The following MBOAT1 variants were observed in gnomAD, a reference collection of about 807,000 sequenced individuals.
MBOAT1 encodes the protein membrane bound glycerophospholipid O-acyltransferase 1, also known as membrane-bound glycerophospholipid O-acyltransferase 1.
A neutral mutation model predicts 64.4 loss-of-function variants in MBOAT1; 67 were observed. The observed-to-expected ratio is 1.04, with a 90% confidence interval of 0.85 to 1.27. The LOEUF is 1.27. Among genes scored for constraint, MBOAT1 ranks in the 50% most tolerant of loss-of-function variants. The pLI is 0.00. For synonymous variants in MBOAT1, 229 were observed against 218.9 expected, an observed-to-expected ratio of 1.05 and a Z score of -0.41; for missense variants, 563 against 604.6, an observed-to-expected ratio of 0.93 and a Z score of 0.72.
Position 20,124,474 on chromosome 6 carries a change from G to T in MBOAT1, c.841C>A (p.Arg281=), listed in dbSNP as rs752717445. ...WFVHKASFPA[R]LCYLYVVMQA... ...ATGACAACATATAAGTAGCAGAGTC[G>T]AGCCGGAAAGCTTGCTTTATGGACA... The change falls in exon 8 of 13, where the codon CGA becomes AGA. Residue 281 remains arginine, a synonymous_variant. Coordinates refer to ENST00000324607, the MANE Select transcript of MBOAT1 (RefSeq NM_001080480.3). 5 of 1,614,160 alleles carry T rather than the reference G, an allele frequency of 3.1e-6. No individual in the cohort carries two copies. The highest frequency in any genetic ancestry group is 4.2e-6 in the Non-Finnish European group (5 of 1,180,018).
chr6:20,174,775 T>C (rs1762294726), intron 1 of MBOAT1, among the ~76,000 whole-genome samples: 1 of 152,224 alleles, frequency 6.6e-6, no homozygotes, highest in African/African-American at 2.4e-5. Context: ...TGTTATGTAG[T>C]ACATGACTGT....
chr6:20,198,251 G>GA (rs1763018054), intron 1 of MBOAT1, among the ~76,000 whole-genome samples: 1 of 150,360 alleles, frequency 6.7e-6, no homozygotes, highest in Non-Finnish European at 1.5e-5. Context: ...AAGAAAGAAA[G>GA]AAAAAAGAAA....
chr6:20,116,799 A>G (rs1331884281), intron 9 of MBOAT1, among the ~76,000 whole-genome samples: 2 of 152,210 alleles, frequency 1.3e-5, no homozygotes, highest in Non-Finnish European at 1.5e-5. Flanking sequence ...CCCTGAAGAC[A>G]TGTCCACTGT....
intron 1 of MBOAT1, among the ~76,000 whole-genome samples, chr6:20,157,049 A>G (rs7741361): frequency 0.43 from 65,105 of 151,942 alleles, 14,478 homozygotes; most frequent in African/African-American, 0.55. Context: ...CCGGGAGGCT[A>G]AGGTGAGAGG....
chr6:20,178,564 C>A (rs1436533061), intron 1 of MBOAT1, among the ~76,000 whole-genome samples: 1 of 152,176 alleles, frequency 6.6e-6, no homozygotes, highest in Non-Finnish European at 1.5e-5. Flanking sequence ...CTCATCCTTG[C>A]AATCCTTATC....
chr6:20,203,023 G>A (rs1326116849), intron 1 of MBOAT1, among the ~76,000 whole-genome samples: 4 of 152,068 alleles, frequency 2.6e-5, no homozygotes, highest in African/African-American at 9.7e-5. Context: ...GTAATTCCTG[G>A]CTGGGTGTGG....
At chr6:20,109,907 T>C (rs976931305) in intron 11 of MBOAT1, among the ~76,000 whole-genome samples, 158 bp from the exon 12 acceptor site, 85 of 138,358 alleles carry the variant, frequency 6.1e-4, no homozygotes, top group South Asian at 1.5e-3. Context: ...CAGGACTTTT[T>C]TTTTTTTTTT....
Position 20,205,395 on chromosome 6 carries a change from C to T in MBOAT1, c.99+6741G>A, listed in dbSNP as rs1034875754. On this transcript the variant is annotated intron_variant, in intron 1 of 12. Transcript: ENST00000324607. ...GCCAGACAGGTAAACTGAGGCCAAG[C>T]TGTGAAGAATCACCTCTTGTTCCAC... is the stretch of plus-strand genomic sequence containing the variant. 3.9e-5 allele frequency among the ~76,000 whole-genome samples: 6 copies of T among 152,198 alleles called. No individual in the cohort carries two copies. The South Asian group carries it at 1.2e-3, about 31-fold the overall frequency.
intron 1 of MBOAT1, among the ~76,000 whole-genome samples, chr6:20,190,400 G>A (rs1344128603): frequency 2.6e-5 from 4 of 152,218 alleles, no homozygotes; most frequent in African/African-American, 9.6e-5. Flanking sequence ...AGGTGATTGA[G>A]AGAGTCACGG....
intron 1 of MBOAT1, among the ~76,000 whole-genome samples, chr6:20,205,978 T>C (rs956152474): frequency 3.9e-5 from 6 of 152,098 alleles, no homozygotes; most frequent in Non-Finnish European, 8.8e-5. Context: ...CTTCTCAACT[T>C]GCATCCACGT....
intron 4 of MBOAT1, among the ~76,000 whole-genome samples, chr6:20,141,362 T>TTTC (rs201591465): frequency 6.6e-4 from 64 of 96,536 alleles, no homozygotes; most frequent in East Asian, 4.3e-3. Context: ...TCTTTTTCTT[T>TTTC]TTTTTTTTTT....
rs878942724 is a variant in MBOAT1 at position 20,102,366 on chromosome 6, A to G, written c.1408T>C (p.Phe470Leu). Residue 470 changes from phenylalanine (F) to leucine (L), a missense_variant, in exon 13 of 13, where the codon TTT becomes CTT. Physicochemically the swap from Phe to Leu is conservative, Grantham distance 22. Coordinates refer to ENST00000324607, the MANE Select transcript of MBOAT1 (RefSeq NM_001080480.3). ...TGAGCTTGTGGTTTCATTGGCAGAAATAGTATTATCAGGAGACTTATGATG... is the reference window on the plus strand; with the variant it reads ...TGAGCTTGTGGTTTCATTGGCAGAAGTAGTATTATCAGGAGACTTATGATG... ...LHIISLLIIL[F>L]LPMKPQAHTQ... 1 of 1,613,052 alleles carries G rather than the reference A, an allele frequency of 6.2e-7. No homozygotes were observed. Among genetic ancestry groups the G allele is most frequent in the South Asian group, 1.1e-5 (1 of 91,052 alleles).
chr6:20,116,565 C>G (rs1760325791), intron 9 of MBOAT1, among the ~76,000 whole-genome samples: 1 of 152,002 alleles, frequency 6.6e-6, no homozygotes, highest in South Asian at 2.1e-4. Context: ...TAAAATAGAT[C>G]TTTTTATTGT....
At chr6:20,140,468 A>C (rs545560295) in intron 4 of MBOAT1, among the ~76,000 whole-genome samples, 22 of 152,162 alleles carry the variant, frequency 1.4e-4, no homozygotes, top group Non-Finnish European at 3.2e-4. Context: ...CCATGGACTG[A>C]ATAAGGAAGA....
intron 1 of MBOAT1, among the ~76,000 whole-genome samples, chr6:20,200,317 T>C (rs1763084763): frequency 6.6e-6 from 1 of 152,202 alleles, no homozygotes; most frequent in Non-Finnish European, 1.5e-5. Context: ...CTACTGAAAT[T>C]GGAAGAAAAA....
chr6:20,151,089 A>G (rs1761478722), intron 3 of MBOAT1, 96 bp downstream of exon 3: 2 of 875,396 alleles, frequency 2.3e-6, no homozygotes, highest in Non-Finnish European at 1.8e-6. Flanking sequence ...CCACTTGTGG[A>G]AAATGGGTAA....
intron 1 of MBOAT1, among the ~76,000 whole-genome samples, chr6:20,199,758 A>T (rs1212425142): frequency 6.6e-6 from 1 of 152,214 alleles, no homozygotes; most frequent in Non-Finnish European, 1.5e-5. Flanking sequence ...TCACAAGGTC[A>T]GGAGTTTGAG....
At chr6:20,162,050 C>G (rs6456299) in intron 1 of MBOAT1, among the ~76,000 whole-genome samples, 52,069 of 151,952 alleles carry the variant, frequency 0.34, 9,130 homozygotes, top group Admixed American at 0.39. Flanking sequence ...GTGTCCTAAT[C>G]TCTTCTTACA....
intron 10 of MBOAT1, among the ~76,000 whole-genome samples, chr6:20,115,010 G>A (rs1474909235): frequency 1.3e-5 from 2 of 152,258 alleles, no homozygotes; most frequent in East Asian, 3.9e-4. Flanking sequence ...CTGTAAAATG[G>A]GGGTAATACC....
Sources: allele counts gnomAD v4.1 joint callset (sites outside exome capture counted in the v4.1 genomes callset), GRCh38; gene constraint gnomAD v4.1.1; transcripts MANE v1.5; gene names NCBI Gene and HGNC (gene_info 2026-07-23, HGNC 2026-07-21).